The following MYO18B variants were observed in gnomAD, a reference collection of about 807,000 sequenced individuals.
The protein encoded by MYO18B is myosin XVIIIB, also known as unconventional myosin-XVIIIb.
MYO18B carries 204 observed loss-of-function variants against 273.0 expected under a neutral mutation model. That is an observed-to-expected ratio of 0.75 (90% CI 0.67 to 0.84). The LOEUF is 0.84. Ranked by LOEUF, MYO18B falls within the 40% of genes least tolerant of loss-of-function variation. The pLI is 0.00. For synonymous variants in MYO18B, 1,330 were observed against 1,305.7 expected, an observed-to-expected ratio of 1.02 and a Z score of -0.40; for missense variants, 3,212 against 3,287.6, an observed-to-expected ratio of 0.98 and a Z score of 0.56.
At chr22:25,824,233 G>T (rs1008601025) in intron 13 of MYO18B, among the ~76,000 whole-genome samples, 6 of 152,128 alleles carry the variant, frequency 3.9e-5, no homozygotes, top group African/African-American at 1.4e-4. Context: ...GGAGTGAGTG[G>T]GAGACAGGAG....
chr22:25,835,191 A>T, intron 16 of MYO18B, 105 bp from the exon 17 acceptor site: 1 of 1,383,058 alleles, frequency 7.2e-7, no homozygotes, highest in Non-Finnish European at 9.6e-7. Context: ...GAGTCCTGAC[A>T]CTTGGGACTT....
At chr22:25,854,371 C>A (rs541818319) in intron 21 of MYO18B, among the ~76,000 whole-genome samples, 6 of 152,194 alleles carry the variant, frequency 3.9e-5, no homozygotes, top group Admixed American at 6.5e-5. Flanking sequence ...AAATATAATT[C>A]CCACTCTGGG....
At chr22:25,962,081 TTTC>T (rs2092924005) in intron 39 of MYO18B, among the ~76,000 whole-genome samples, 1 of 152,190 alleles carries the variant, frequency 6.6e-6, no homozygotes, top group Admixed American at 6.5e-5. Flanking sequence ...GTAAACCTCT[TTTC>T]TTTATAAATT....
chr22:25,776,882 C>G (rs1408048313), intron 7 of MYO18B, among the ~76,000 whole-genome samples: 1 of 147,142 alleles, frequency 6.8e-6, no homozygotes, highest in East Asian at 1.9e-4. Context: ...TTCAGCATTC[C>G]CATTGGCATT....
At chr22:25,749,587 TG>T (rs1210720244) in intron 1 of MYO18B, among the ~76,000 whole-genome samples, 13 of 152,076 alleles carry the variant, frequency 8.5e-5, no homozygotes, top group Non-Finnish European at 1.8e-4. Context: ...CAAGAGAGCC[TG>T]GGGGTAGGGA....
At chr22:25,766,443 C>T (rs1032094769) in intron 3 of MYO18B, among the ~76,000 whole-genome samples, 6 of 152,114 alleles carry the variant, frequency 3.9e-5, no homozygotes, top group Non-Finnish European at 7.4e-5. Flanking sequence ...GAGAGAGACA[C>T]AAAAGCCAGA....
chr22:25,784,957 T>C (rs145410783), intron 10 of MYO18B, among the ~76,000 whole-genome samples: 2 of 152,330 alleles, frequency 1.3e-5, no homozygotes, highest in East Asian at 3.9e-4. Context: ...GGTTGCATGC[T>C]TGCTAGCTGT....
In MYO18B at chr22:25,751,584, A is replaced by G. The variant is rs143087780; in HGVS notation, c.-110+9291A>G. 3.9e-4 allele frequency among the ~76,000 whole-genome samples: 60 copies of G among 152,316 alleles called. 1 individual carries two copies. The East Asian group carries it at 0.011, about 27-fold the overall frequency. On this transcript the variant is annotated intron_variant, in intron 1 of 43. Transcript: ENST00000335473. ...GAGGAGTCAGGCACACCTTGGGGTA[A>G]GTCTCACCTTGGCTTTCTTGCTGGG...
intron 11 of MYO18B, among the ~76,000 whole-genome samples, chr22:25,792,481 C>CTTTTT (rs376827286): frequency 1.1e-3 from 60 of 54,392 alleles, no homozygotes; most frequent in South Asian, 7.5e-3. Context: ...TGTGATGTTT[C>CTTTTT]TTTTTTTTTT....
At chr22:25,819,213 C>G (rs1290867744) in intron 12 of MYO18B, among the ~76,000 whole-genome samples, 1 of 152,236 alleles carries the variant, frequency 6.6e-6, no homozygotes. Context: ...CAGCAGCATG[C>G]ATCTCAGCTG....
At chr22:25,958,112 A>G (rs1191069329) in intron 39 of MYO18B, among the ~76,000 whole-genome samples, 3 of 151,814 alleles carry the variant, frequency 2.0e-5, no homozygotes, top group Non-Finnish European at 4.4e-5. Flanking sequence ...GCGGGGTTTC[A>G]CCATGTTGGC....
intron 21 of MYO18B, among the ~76,000 whole-genome samples, chr22:25,864,020 C>T (rs1367532583): frequency 6.6e-6 from 1 of 152,176 alleles, no homozygotes; most frequent in Non-Finnish European, 1.5e-5. Context: ...TCATTTGTTT[C>T]CTGCCAAAAT....
At chr22:25,788,303 G>T (rs1221928858) in intron 11 of MYO18B, among the ~76,000 whole-genome samples, 1 of 152,230 alleles carries the variant, frequency 6.6e-6, no homozygotes, top group African/African-American at 2.4e-5. Flanking sequence ...CTTCATTAAG[G>T]GAATCTGGTG....
chr22:25,902,672 A>G lies in MYO18B; in HGVS notation c.4883A>G (p.Glu1628Gly). 1 of 1,599,746 alleles carries G rather than the reference A, an allele frequency of 6.3e-7. No homozygotes were observed. Among genetic ancestry groups the G allele is most frequent in the Non-Finnish European group, 8.5e-7 (1 of 1,172,966 alleles). Reference protein sequence around the residue: ...GESVFEKGLREKVTQENTSVR... With the variant: ...GESVFEKGLRGKVTQENTSVR... ...TCAGTGTTTGAGAAGGGTCTCCGTGAGAAAGTGACCCAGGAGAACACCAGT... is the reference window on the plus strand; with the variant it reads ...TCAGTGTTTGAGAAGGGTCTCCGTGGGAAAGTGACCCAGGAGAACACCAGT... Residue 1628 changes from glutamate to glycine, a missense_variant, in exon 30 of 44, where the codon GAG (glutamate) becomes GGG (glycine). Coordinates refer to ENST00000335473, the MANE Select transcript of MYO18B (RefSeq NM_032608.7).
At chr22:25,797,821 A>T (rs943789437) in intron 11 of MYO18B, 132 bp from the exon 12 acceptor site, 2 of 1,293,870 alleles carry the variant, frequency 1.5e-6, no homozygotes, top group Non-Finnish European at 1.1e-6. Flanking sequence ...CCTCAGCTTA[A>T]TTGTGGGTAA....
At chr22:25,786,622 G>T (rs982872122) in intron 11 of MYO18B, among the ~76,000 whole-genome samples, 39 of 152,200 alleles carry the variant, frequency 2.6e-4, no homozygotes, top group African/African-American at 8.4e-4. Context: ...GTAACCCTGA[G>T]CTGGGCAAAG....
chr22:25,785,518 G>C (rs1247331514), intron 11 of MYO18B, 27 bp downstream of exon 11: 5 of 1,606,342 alleles, frequency 3.1e-6, no homozygotes, highest in Non-Finnish European at 4.3e-6. Context: ...TCACGGGTGG[G>C]ATGTGAGTCT....
At chr22:25,892,380 A>G (rs191829429) in intron 27 of MYO18B, 2 of 152,132 alleles carry the variant, frequency 1.3e-5, no homozygotes, top group African/African-American at 4.8e-5. Flanking sequence ...GGTTTTACCC[A>G]GGGATATTAT....
chr22:25,985,884 G>A (rs978811592), intron 39 of MYO18B, among the ~76,000 whole-genome samples: 5 of 151,982 alleles, frequency 3.3e-5, no homozygotes, highest in East Asian at 3.9e-4. Flanking sequence ...CACCCTCCTC[G>A]GCCTCCTAAA....
Sources: gnomAD v4.1 joint callset for allele counts (sites outside exome capture counted in the v4.1 genomes callset) on GRCh38, gnomAD v4.1.1 for gene constraint, MANE v1.5 for transcripts, NCBI Gene and HGNC (gene_info 2026-07-23, HGNC 2026-07-21) for gene names.